Variants in RANBP2 observed in about 807,000 individuals in gnomAD.
RANBP2 encodes the protein E3 SUMO-protein ligase RanBP2.
RANBP2 carries 57 observed loss-of-function variants against 303.6 expected under a neutral mutation model. The observed-to-expected ratio is 0.19, with a 90% CI of 0.15 to 0.23. The LOEUF is 0.23. RANBP2 is among the 10% of genes least tolerant of loss of function. RANBP2 has a pLI of 1.00. For synonymous variants in RANBP2, 1,167 were observed against 1,301.5 expected (o/e 0.90, Z 2.23); for missense variants, 3,138 against 3,780.8 (o/e 0.83, Z 4.46).
the RANBP2 span, among the ~76,000 whole-genome samples, chr2:109,432,973 G>A: frequency 6.6e-5 from 10 of 152,276 alleles, no homozygotes; most frequent in Non-Finnish European, 1.2e-4. Flanking sequence ...ATGTGTGTTT[G>A]TGTGAGGACA....
chr2:108,755,699 C>T (rs1214507620), intron 17 of RANBP2, among the ~76,000 whole-genome samples: 2 of 152,004 alleles, frequency 1.3e-5, no homozygotes, highest in Admixed American at 1.3e-4. Context: ...AGCCTACATA[C>T]CTCGGTCTTG....
the RANBP2 span, among the ~76,000 whole-genome samples, chr2:109,634,265 A>T: frequency 6.6e-6 from 1 of 152,162 alleles, no homozygotes; most frequent in Non-Finnish European, 1.5e-5. Flanking sequence ...AATTGCAAGC[A>T]GAATAAATAA....
the RANBP2 span, among the ~76,000 whole-genome samples, chr2:109,547,284 G>C: frequency 6.6e-6 from 1 of 151,702 alleles, no homozygotes; most frequent in Non-Finnish European, 1.5e-5. Flanking sequence ...AGATGCTATA[G>C]AAGGTAGAAT....
At chr2:109,678,777 G>A in the RANBP2 span, among the ~76,000 whole-genome samples, 1 of 152,060 alleles carries the variant, frequency 6.6e-6, no homozygotes. Flanking sequence ...GGGTGTCCAG[G>A]CTGCACGAGT....
chr2:108,909,021 G>C, the RANBP2 span, among the ~76,000 whole-genome samples: 1 of 152,174 alleles, frequency 6.6e-6, no homozygotes, highest in African/African-American at 2.4e-5. Context: ...CCCAGGTCCT[G>C]TCTCTGAGAC....
rs529873009 is a variant in RANBP2 at position 108,740,700 on chromosome 2, G to C, written c.975+19G>C. ...ATTTCAGGTAAGTCTTCCACTTGTA[G>C]GAGCAATTGACATTTCACTGAGTCT... On this transcript the variant is annotated intron_variant, in intron 7 of 28. Transcript: ENST00000283195. 6.9e-6 allele frequency: 11 copies of C among 1,597,432 alleles called. No homozygotes were observed. The South Asian group carries it at 1.2e-4, about 18-fold the overall frequency.
the RANBP2 span, among the ~76,000 whole-genome samples, chr2:109,516,919 G>A: frequency 6.6e-6 from 1 of 152,138 alleles, no homozygotes; most frequent in Admixed American, 6.5e-5. Flanking sequence ...AGGTAGGGTG[G>A]GCAGCATGGC....
the RANBP2 span, among the ~76,000 whole-genome samples, chr2:109,712,347 C>A: frequency 5.3e-5 from 8 of 152,190 alleles, no homozygotes; most frequent in Non-Finnish European, 1.2e-4. Context: ...GTGTCCTGCA[C>A]CCTCACTCTC....
chr2:109,467,787 C>T, the RANBP2 span, among the ~76,000 whole-genome samples: 1 of 152,196 alleles, frequency 6.6e-6, no homozygotes, highest in Middle Eastern at 3.2e-3. Context: ...TCTGACCGTT[C>T]TGCAGTCCCC....
chr2:108,846,721 G>C, the RANBP2 span: 2 of 1,584,970 alleles, frequency 1.3e-6, no homozygotes, highest in Non-Finnish European at 1.7e-6. Context: ...TACTAAGATT[G>C]TACATATTTT....
At chr2:108,923,251 C>T in the RANBP2 span, 1 of 993,880 alleles carries the variant, frequency 1.0e-6, no homozygotes, top group Non-Finnish European at 1.6e-6. Context: ...TTCACTAGTG[C>T]TGTTACTGTG....
the RANBP2 span, among the ~76,000 whole-genome samples, chr2:109,537,754 T>C: frequency 2.0e-5 from 3 of 152,096 alleles, no homozygotes; most frequent in African/African-American, 7.2e-5. Flanking sequence ...GAGACAAGCC[T>C]GGGCAACGGG....
chr2:109,578,890 A>G, the RANBP2 span, among the ~76,000 whole-genome samples: 1 of 152,232 alleles, frequency 6.6e-6, no homozygotes, highest in African/African-American at 2.4e-5. Flanking sequence ...CTGAAAATCA[A>G]TGAGAAATTG....
At chr2:109,553,544 C>CCA in the RANBP2 span, among the ~76,000 whole-genome samples, 1 of 95,514 alleles carries the variant, frequency 1.0e-5, no homozygotes, top group African/African-American at 3.8e-5. Flanking sequence ...ACTCTGTCTC[C>CCA]AAAAAAAAAA....
chr2:109,239,496 T>C, the RANBP2 span, among the ~76,000 whole-genome samples: 85 of 152,328 alleles, frequency 5.6e-4, no homozygotes, highest in Middle Eastern at 0.014. Context: ...GACTACAATA[T>C]TCTGAAGTGA....
the RANBP2 span, among the ~76,000 whole-genome samples, chr2:109,564,975 A>G: frequency 1.3e-5 from 2 of 152,226 alleles, no homozygotes; most frequent in Non-Finnish European, 2.9e-5. Flanking sequence ...CTTCCCTGCT[A>G]TAATTATCAA....
At chr2:109,279,105 A>T in the RANBP2 span, among the ~76,000 whole-genome samples, 1 of 152,182 alleles carries the variant, frequency 6.6e-6, no homozygotes, top group Non-Finnish European at 1.5e-5. Flanking sequence ...TTTTATGGCA[A>T]ATCCACGTAT....
chr2:109,660,034 A>C, the RANBP2 span, among the ~76,000 whole-genome samples: 1 of 152,214 alleles, frequency 6.6e-6, no homozygotes, highest in Non-Finnish European at 1.5e-5. Context: ...GAGGCAAAGA[A>C]CTAAGGCCAA....
At chr2:108,820,562 A>G in the RANBP2 span, among the ~76,000 whole-genome samples, 1 of 152,322 alleles carries the variant, frequency 6.6e-6, no homozygotes, top group East Asian at 1.9e-4. Flanking sequence ...TGTCAAAAGT[A>G]AAATACAAAG....
Sources: allele counts gnomAD v4.1 joint callset (sites outside exome capture counted in the v4.1 genomes callset), GRCh38; gene constraint gnomAD v4.1.1; transcripts MANE v1.5; gene names NCBI Gene and HGNC (gene_info 2026-07-23, HGNC 2026-07-21).